FGF16: variants seen among roughly 807,000 people sequenced by gnomAD.
FGF16 encodes the protein fibroblast growth factor 16, also known as metacarpal 4-5 fusion.
A neutral mutation model predicts 8.5 loss-of-function variants in FGF16; 2 were observed. The ratio of observed to expected loss-of-function variants is 0.24; its 90% confidence interval spans 0.10 to 0.75. The LOEUF is 0.75. FGF16 is among the 30% of genes least tolerant of loss of function. FGF16 has a pLI of 0.74. For synonymous variants in FGF16, 33 were observed against 34.6 expected, an observed-to-expected ratio of 0.95 and a Z score of 0.16; for missense variants, 79 against 87.4, an observed-to-expected ratio of 0.90 and a Z score of 0.38.
chrX:77,453,080 AAAAC>A (rs1417725948), intron 1 of FGF16, among the ~76,000 whole-genome samples: 2 of 111,631 alleles, frequency 1.8e-5, no homozygotes, highest in Non-Finnish European at 3.8e-5. Context: ...CCTGTCTCAA[AAAAC>A]AAACAAACAA....
At position 77,456,576 on chromosome X, in the gene FGF16, C is replaced by G; in HGVS notation, c.*54C>G. Reference sequence around the variant, plus strand: ...ATGTACCCTGGGGCCACGGTTGTCTCTGCAAGCACTATATTCATAGCTTTT... The same window carrying G: ...ATGTACCCTGGGGCCACGGTTGTCTGTGCAAGCACTATATTCATAGCTTTT... On this transcript the variant is annotated 3_prime_UTR_variant, in exon 3 of 3. Transcript: ENST00000439435. 9 of 1,084,617 alleles carry G rather than the reference C, an allele frequency of 8.3e-6. No individual in the cohort carries two copies. Among genetic ancestry groups the G allele is most frequent in the Non-Finnish European group, 1.0e-5 (8 of 791,017 alleles). The allele number at this position is 1,084,617 out of a possible 1,213,427, so 89.4% of individuals were successfully genotyped here.
intron 2 of FGF16, among the ~76,000 whole-genome samples, chrX:77,455,183 G>A (rs1211453375): frequency 2.7e-5 from 3 of 112,256 alleles, no homozygotes; most frequent in Non-Finnish European, 5.6e-5. Flanking sequence ...AGTAACCTGT[G>A]CTGGTTTGGC....
At chrX:77,452,971 G>A (rs1238605662) in intron 1 of FGF16, among the ~76,000 whole-genome samples, 3 of 111,026 alleles carry the variant, frequency 2.7e-5, no homozygotes, top group Non-Finnish European at 3.8e-5. Context: ...CAGCTACGAG[G>A]GAGGCTGAGG....
Position 77,456,638 on chromosome X carries a change from G to T in FGF16, c.*116G>T. On this transcript the variant is annotated 3_prime_UTR_variant, in exon 3 of 3. Transcript: ENST00000439435. ...TCCTATCATTTTAGATAACAGAAAA[G>T]CACTTACTGTTGAACTCAACCCAGC... 1.4e-6 allele frequency: 1 copy of T among 737,080 alleles called. No homozygotes were observed. The highest frequency in any genetic ancestry group is 2.0e-6 in the Non-Finnish European group (1 of 500,029). The allele number at this position is 737,080 out of a possible 1,213,427, so 60.7% of individuals were successfully genotyped here.
rs2062573461 is a variant in FGF16, at chrX:77,456,657, A to G, written c.*135A>G. On this transcript the variant is annotated 3_prime_UTR_variant, in exon 3 of 3. Coordinates refer to ENST00000439435, the MANE Select transcript of FGF16 (RefSeq NM_003868.3). ...AGAAAAGCACTTACTGTTGAACTCA[A>G]CCCAGCTGTTCCCTTGTTGTTCAAA... 1 of 609,715 alleles carries G rather than the reference A, an allele frequency of 1.6e-6. No individual in the cohort carries two copies. Among genetic ancestry groups the G allele is most frequent in the Non-Finnish European group, 2.5e-6 (1 of 397,063 alleles). 50.2% of individuals were successfully genotyped at this position (609,715 alleles called of 1,213,427 possible). A position where few individuals can be genotyped will look rare whatever the true frequency, so the allele number is the denominator to read the frequency against.
chrX:77,451,379 T>C (rs1557026660), intron 1 of FGF16, among the ~76,000 whole-genome samples: 1 of 112,274 alleles, frequency 8.9e-6, no homozygotes, highest in African/African-American at 3.2e-5. Flanking sequence ...GAACTCAGAC[T>C]TGAAGCTCAG....
Position 77,447,616 on chromosome X carries a change from C to T in FGF16, c.-59C>T. The T allele has an allele frequency of 3.4e-6, 1 of 296,587 alleles. No individual in the cohort carries two copies. Among genetic ancestry groups the T allele is most frequent in the Non-Finnish European group, 5.9e-6 (1 of 169,457 alleles). 24.4% of individuals were successfully genotyped at this position (296,587 alleles called of 1,213,427 possible). On this transcript the variant is annotated 5_prime_UTR_variant, in exon 1 of 3. Coordinates refer to ENST00000439435, the MANE Select transcript of FGF16 (RefSeq NM_003868.3). The stretch of plus-strand genomic sequence containing the variant: ...CTGCGGGGAGAGGCAGTTCGCGCCC[C>T]GTGGCCCCGGCTCGGCCCGCGCGCG...
chrX:77,456,552 T>G lies in FGF16; in HGVS notation c.*30T>G. 1 of 1,190,615 alleles carries G rather than the reference T, an allele frequency of 8.4e-7. No individual in the cohort carries two copies. Among genetic ancestry groups the G allele is most frequent in the East Asian group, 3.0e-5 (1 of 33,697 alleles). On this transcript the variant is annotated 3_prime_UTR_variant, in exon 3 of 3. Transcript: ENST00000439435. ...CCTCTGGTGTGCCCTCTGTGACCCA[T>G]GTACCCTGGGGCCACGGTTGTCTCT...
chrX:77,454,221 G>C lies in FGF16; in HGVS notation c.339G>C (p.Leu113=). The change falls in exon 2 of 3, where the codon CTG becomes CTC. Residue 113 remains leucine, a synonymous_variant. Transcript: ENST00000439435. The stretch of plus-strand genomic sequence containing the variant: ...GCATCCGGGGAGTGGACTCTGGCCT[G>C]TACCTAGGAATGAATGAGCGAGGAG... ...LISIRGVDSG[L]YLGMNERGEL... 9.4e-7 allele frequency: 1 copy of C among 1,067,041 alleles called. No homozygotes were observed. Among genetic ancestry groups the C allele is most frequent in the Non-Finnish European group, 1.2e-6 (1 of 804,368 alleles). 87.9% of individuals were successfully genotyped at this position (1,067,041 alleles called of 1,213,427 possible). A position where few individuals can be genotyped will look rare whatever the true frequency, so the allele number is the denominator to read the frequency against.
intron 2 of FGF16, among the ~76,000 whole-genome samples, chrX:77,454,809 T>G (rs2062568047): frequency 1.1e-5 from 1 of 87,545 alleles, no homozygotes; most frequent in Non-Finnish European, 2.3e-5. Flanking sequence ...TTTTTTTTTT[T>G]GCTTTGAGAT....
At chrX:77,452,805 C>G (rs1557026770) in intron 1 of FGF16, among the ~76,000 whole-genome samples, 1 of 112,325 alleles carries the variant, frequency 8.9e-6, no homozygotes, top group Non-Finnish European at 1.9e-5. Flanking sequence ...GGGCCAGGCA[C>G]AGTGGTGCAT....
intron 2 of FGF16, among the ~76,000 whole-genome samples, chrX:77,454,857 C>T (rs1382739001): frequency 3.5e-5 from 3 of 84,978 alleles, no homozygotes; most frequent in Non-Finnish European, 6.6e-5. Flanking sequence ...AGTGCAGTGG[C>T]GCAACCTCAG....
intron 1 of FGF16, among the ~76,000 whole-genome samples, chrX:77,448,827 C>T (rs186570800): frequency 1.8e-5 from 2 of 111,948 alleles, no homozygotes; most frequent in African/African-American, 6.5e-5. Flanking sequence ...GTTCGCTCCT[C>T]GGTAATTTGC....
chrX:77,456,321 A>T lies in FGF16; in HGVS notation c.423A>T (p.Glu141Asp). 1 of 1,206,757 alleles carries T rather than the reference A, an allele frequency of 8.3e-7. No individual in the cohort carries two copies. Among genetic ancestry groups the T allele is most frequent in the Non-Finnish European group, 1.1e-6 (1 of 890,851 alleles). ...RECVFREQFE[E>D]NWYNTYASTL... Reference sequence around the variant, plus strand: ...GTGTTTTCCGGGAACAGTTTGAAGAAAACTGGTACAACACCTATGCCTCAA... The same window carrying T: ...GTGTTTTCCGGGAACAGTTTGAAGATAACTGGTACAACACCTATGCCTCAA... Residue 141 changes from glutamate (E) to aspartate (D), a missense_variant, in exon 3 of 3, where the codon GAA becomes GAT. Coordinates refer to ENST00000439435, the MANE Select transcript of FGF16 (RefSeq NM_003868.3).
At chrX:77,449,966 G>A (rs2062552176) in intron 1 of FGF16, among the ~76,000 whole-genome samples, 1 of 111,942 alleles carries the variant, frequency 8.9e-6, no homozygotes, top group Non-Finnish European at 1.9e-5. Flanking sequence ...AATGATAACT[G>A]GCCAAAGCTG....
At position 77,456,478 on chromosome X, in the gene FGF16, T is replaced by C; in HGVS notation, c.580T>C (p.Ser194Pro). The part of the protein sequence containing the change: ...THFLPRPVDP[S>P]KLPSMSRDLF... ...CTTTTTACCCAGGCCTGTAGATCCTTCTAAGTTGCCCTCCATGTCCAGAGA... is the reference window on the plus strand; with the variant it reads ...CTTTTTACCCAGGCCTGTAGATCCTCCTAAGTTGCCCTCCATGTCCAGAGA... Residue 194 changes from serine (S) to proline (P), a missense_variant, in exon 3 of 3, where the codon TCT becomes CCT. By Grantham distance (74) the Ser-to-Pro change is moderately conservative (BLOSUM62 -1). Transcript: ENST00000439435. 8.3e-7 allele frequency: 1 copy of C among 1,209,506 alleles called. No individual in the cohort carries two copies.
Position 77,447,428 on chromosome X carries a change from G to A in FGF16, c.-247G>A, listed in dbSNP as rs1237179873. On this transcript the variant is annotated 5_prime_UTR_variant, in exon 1 of 3. Transcript: ENST00000439435. Reference sequence around the variant, plus strand: ...ATGAGAGGCCGGGGGAGATGGATGCGGAGGGGAAGAGGCACTTTGACTGAG... The same window carrying A: ...ATGAGAGGCCGGGGGAGATGGATGCAGAGGGGAAGAGGCACTTTGACTGAG... 3.9e-6 allele frequency: 1 copy of A among 258,964 alleles called. No individual in the cohort carries two copies. The highest frequency in any genetic ancestry group is 6.9e-6 in the Non-Finnish European group (1 of 145,816). 21.3% of individuals were successfully genotyped at this position (258,964 alleles called of 1,213,427 possible).
At chrX:77,452,707 G>C (rs1471085186) in intron 1 of FGF16, among the ~76,000 whole-genome samples, 1 of 112,126 alleles carries the variant, frequency 8.9e-6, no homozygotes, top group Admixed American at 9.5e-5. Context: ...TTTAAAATTA[G>C]CCGCTTAAAA....
At chrX:77,456,238 T>A in intron 2 of FGF16, 39 bp from the exon 3 acceptor site, 1 of 1,186,363 alleles carries the variant, frequency 8.4e-7, no homozygotes, top group Non-Finnish European at 1.1e-6. Context: ...GGAGAAATAG[T>A]CATATAATGG....
Sources: allele counts gnomAD v4.1 joint callset (sites outside exome capture counted in the v4.1 genomes callset), GRCh38; gene constraint gnomAD v4.1.1; transcripts MANE v1.5; gene names NCBI Gene and HGNC (gene_info 2026-07-23, HGNC 2026-07-21).